PDE10A: variants seen among roughly 807,000 people sequenced by gnomAD.
PDE10A encodes cAMP and cAMP-inhibited cGMP 3',5'-cyclic phosphodiesterase 10A.
A neutral mutation model predicts 97.7 loss-of-function variants in PDE10A; 39 were observed. That is an observed-to-expected ratio of 0.40 (90% CI 0.31 to 0.52). The LOEUF (loss-of-function observed/expected upper bound fraction) is 0.52, where lower values mean the gene tolerates loss of function less well. PDE10A is among the 20% of genes least tolerant of loss of function. PDE10A has a pLI of 0.56. For synonymous variants in PDE10A, 371 were observed against 376.8 expected (o/e 0.98, Z 0.18); for missense variants, 731 against 1,047.8 (o/e 0.70, Z 4.17).
At chr6:165,649,276 T>C (rs1789558961) in intron 1 of PDE10A, among the ~76,000 whole-genome samples, 1 of 151,984 alleles carries the variant, frequency 6.6e-6, no homozygotes, top group Non-Finnish European at 1.5e-5. Context: ...AAGGAAATAA[T>C]ATTAAGTGAT....
intron 12 of PDE10A, 24 bp from the exon 13 acceptor site, chr6:165,413,711 TAAC>T (rs112249661): frequency 2.7e-5 from 42 of 1,571,554 alleles, no homozygotes; most frequent in African/African-American, 4.1e-5. Flanking sequence ...GAACCAAAAA[TAAC>T]AACAACAACA....
chr6:165,744,775 C>A (rs1021999331), intron 1 of PDE10A, among the ~76,000 whole-genome samples: 3 of 151,632 alleles, frequency 2.0e-5, no homozygotes, highest in Non-Finnish European at 4.4e-5. Flanking sequence ...TCCTTTAAAA[C>A]ATTTTATTTT....
chr6:165,957,042 C>T (rs1298021752), intron 1 of PDE10A, among the ~76,000 whole-genome samples: 2 of 152,122 alleles, frequency 1.3e-5, no homozygotes, highest in East Asian at 3.9e-4. Context: ...GGAGCATTTG[C>T]AAAGCCAGAA....
At chr6:165,578,152 T>C (rs1785415996) in intron 1 of PDE10A, among the ~76,000 whole-genome samples, 1 of 152,188 alleles carries the variant, frequency 6.6e-6, no homozygotes, top group South Asian at 2.1e-4. Context: ...GTCCAGATGC[T>C]CAGGGCGGCC....
intron 7 of PDE10A, among the ~76,000 whole-genome samples, chr6:165,432,413 A>T (rs1436195162): frequency 1.3e-5 from 2 of 152,214 alleles, no homozygotes; most frequent in African/African-American, 4.8e-5. Flanking sequence ...CTGAGGATCC[A>T]GCGTGGCTGG....
intron 1 of PDE10A, among the ~76,000 whole-genome samples, chr6:165,585,144 A>G (rs1382029415): frequency 6.6e-6 from 1 of 152,178 alleles, no homozygotes; most frequent in Non-Finnish European, 1.5e-5. Flanking sequence ...AAAACCAACC[A>G]GGAACTTTTG....
chr6:165,892,719 G>A (rs977542063), intron 1 of PDE10A, among the ~76,000 whole-genome samples: 51 of 152,178 alleles, frequency 3.4e-4, no homozygotes, highest in Non-Finnish European at 6.3e-4. Context: ...CCACTTCGAA[G>A]CATTTCTCTC....
At chr6:165,976,608 C>T (rs1784851208) in intron 1 of PDE10A, among the ~76,000 whole-genome samples, 1 of 152,218 alleles carries the variant, frequency 6.6e-6, no homozygotes, top group Non-Finnish European at 1.5e-5. Flanking sequence ...GCTACCACTT[C>T]ACACGCACTC....
At chr6:165,357,996 A>G (rs1424080652) in intron 18 of PDE10A, among the ~76,000 whole-genome samples, 1 of 152,026 alleles carries the variant, frequency 6.6e-6, no homozygotes, top group African/African-American at 2.4e-5. Context: ...CATCCTACAG[A>G]TTTTGATATA....
intron 1 of PDE10A, among the ~76,000 whole-genome samples, chr6:165,658,565 T>C (rs1790078898): frequency 6.6e-6 from 1 of 152,218 alleles, no homozygotes; most frequent in East Asian, 1.9e-4. Flanking sequence ...TCCTGATCTC[T>C]GCACGCCCTG....
chr6:165,924,712 C>T (rs1029128882), intron 1 of PDE10A, among the ~76,000 whole-genome samples: 6 of 152,198 alleles, frequency 3.9e-5, no homozygotes, highest in African/African-American at 1.2e-4. Flanking sequence ...TCCAAGCATC[C>T]TTATGCAAAA....
intron 1 of PDE10A, among the ~76,000 whole-genome samples, chr6:165,843,849 G>C (rs1780330212): frequency 1.3e-5 from 2 of 152,210 alleles, no homozygotes; most frequent in Non-Finnish European, 2.9e-5. Flanking sequence ...AGGAGCAAAG[G>C]CTCAAGTCGG....
At chr6:165,376,410 C>T (rs1003607694) in intron 18 of PDE10A, among the ~76,000 whole-genome samples, 28 of 152,228 alleles carry the variant, frequency 1.8e-4, no homozygotes, top group African/African-American at 6.8e-4. Flanking sequence ...ATGCTGTGAA[C>T]ATGGTTGAAA....
At chr6:165,506,303 T>C (rs778019372) in intron 2 of PDE10A, among the ~76,000 whole-genome samples, 1 of 152,204 alleles carries the variant, frequency 6.6e-6, no homozygotes, top group Non-Finnish European at 1.5e-5. Context: ...TATTTCCCTT[T>C]AGATAGGCAT....
intron 1 of PDE10A, among the ~76,000 whole-genome samples, chr6:165,828,139 G>T (rs368575386): frequency 2.6e-5 from 4 of 152,234 alleles, no homozygotes; most frequent in African/African-American, 9.6e-5. Flanking sequence ...TAACAAGAGA[G>T]AAATAATTCT....
intron 3 of PDE10A, 136 bp from the exon 4 acceptor site, chr6:165,450,498 T>A: frequency 2.5e-6 from 1 of 405,500 alleles, no homozygotes; most frequent in Non-Finnish European, 4.4e-6. Context: ...TAGCACATGA[T>A]TTAAATATTA....
intron 1 of PDE10A, among the ~76,000 whole-genome samples, chr6:165,835,943 C>G (rs1191520117): frequency 2.0e-5 from 3 of 152,186 alleles, no homozygotes; most frequent in Non-Finnish European, 2.9e-5. Context: ...ACGCTGTCTC[C>G]CCTCTTTGGA....
chr6:165,872,109 C>T (rs985598825), intron 1 of PDE10A, among the ~76,000 whole-genome samples: 3 of 152,106 alleles, frequency 2.0e-5, no homozygotes, highest in Non-Finnish European at 2.9e-5. Flanking sequence ...GGCCACAGAG[C>T]CAGTTAGAGC....
At chr6:165,717,515 C>T (rs577233317) in intron 1 of PDE10A, among the ~76,000 whole-genome samples, 2 of 151,310 alleles carry the variant, frequency 1.3e-5, no homozygotes, top group South Asian at 2.1e-4. Context: ...ACCTGGGAGG[C>T]GGAGGTTGTA....
Sources: allele counts gnomAD v4.1 joint callset (sites outside exome capture counted in the v4.1 genomes callset), GRCh38; gene constraint gnomAD v4.1.1; transcripts MANE v1.5; gene names NCBI Gene and HGNC (gene_info 2026-07-23, HGNC 2026-07-21).